Variants in ABCA9 observed in about 807,000 individuals in gnomAD.
ABCA9 encodes ATP-binding cassette sub-family A member 9.
ABCA9 carries 183 observed loss-of-function variants against 205.3 expected under a neutral mutation model. The ratio of observed to expected loss-of-function variants is 0.89; its 90% CI spans 0.79 to 1.01. The LOEUF (loss-of-function observed/expected upper bound fraction) is 1.01. ABCA9 is among the 50% of genes least tolerant of loss of function. ABCA9 has a pLI of 0.00. For synonymous variants in ABCA9, 651 were observed against 683.3 expected (o/e 0.95, Z 0.74); for missense variants, 1,805 against 1,912.4 (o/e 0.94, Z 1.05).
chr17:69,043,459 T>C (rs779426251), intron 6 of ABCA9, 30 bp downstream of exon 6: 1 of 1,499,554 alleles, frequency 6.7e-7, no homozygotes, highest in Non-Finnish European at 9.0e-7. Flanking sequence ...TTGTTTATGC[T>C]GTATAATGGA....
At chr17:69,027,838 G>T in intron 12 of ABCA9, 23 bp from the exon 13 acceptor site, 2 of 1,546,130 alleles carry the variant, frequency 1.3e-6, no homozygotes, top group South Asian at 2.4e-5. Flanking sequence ...GGCAGAGAGT[G>T]ACCATCAGGA....
chr17:68,994,036 C>A (rs2069538873), intron 26 of ABCA9, among the ~76,000 whole-genome samples: 1 of 152,136 alleles, frequency 6.6e-6, no homozygotes, highest in African/African-American at 2.4e-5. Context: ...ATACCATGCC[C>A]TGCTAATTTT....
chr17:69,073,503 TG>T, the ABCA9 span, among the ~76,000 whole-genome samples: 2 of 152,158 alleles, frequency 1.3e-5, no homozygotes, highest in Admixed American at 1.3e-4. Context: ...GAATGACTAC[TG>T]GGTACATAAC....
intron 6 of ABCA9, among the ~76,000 whole-genome samples, chr17:69,040,805 A>G (rs1319447597): frequency 2.0e-5 from 3 of 150,264 alleles, no homozygotes; most frequent in Non-Finnish European, 4.5e-5. Flanking sequence ...ATAATTAGAT[A>G]TAGATACACA....
At chr17:69,004,081 G>C (rs2070004707) in intron 25 of ABCA9, among the ~76,000 whole-genome samples, 1 of 152,112 alleles carries the variant, frequency 6.6e-6, no homozygotes, top group Non-Finnish European at 1.5e-5. Flanking sequence ...CCGTAGCTCA[G>C]AGTAATTTGA....
At chr17:69,016,425 T>C in intron 21 of ABCA9, 35 bp from the exon 22 acceptor site, 2 of 1,529,280 alleles carry the variant, frequency 1.3e-6, no homozygotes, top group Non-Finnish European at 1.7e-6. Flanking sequence ...GAAGTCTTCA[T>C]AAAGCAAAGA....
chr17:69,075,517 T>G, the ABCA9 span, among the ~76,000 whole-genome samples: 1 of 152,156 alleles, frequency 6.6e-6, no homozygotes, highest in Non-Finnish European at 1.5e-5. Context: ...TCCCGATTGC[T>G]TATTTTGTCT....
At chr17:69,044,457 C>A in intron 5 of ABCA9, 40 bp downstream of exon 5, 2 of 1,559,780 alleles carry the variant, frequency 1.3e-6, no homozygotes, top group South Asian at 2.2e-5. Context: ...CAGCAAAATT[C>A]AAATGCAATG....
chr17:69,017,120 T>C (rs893350334), intron 21 of ABCA9, among the ~76,000 whole-genome samples: 3 of 151,956 alleles, frequency 2.0e-5, no homozygotes, highest in African/African-American at 7.3e-5. Context: ...TGGCATGGAG[T>C]TTATTCCTGA....
At chr17:69,035,975 C>A (rs1425581204) in intron 6 of ABCA9, among the ~76,000 whole-genome samples, 174 bp from the exon 7 acceptor site, 1 of 152,018 alleles carries the variant, frequency 6.6e-6, no homozygotes, top group Non-Finnish European at 1.5e-5. Flanking sequence ...AGAAGGTAGG[C>A]AATAAACAAG....
chr17:69,051,720 C>G (rs1335626728), intron 1 of ABCA9: 2 of 152,200 alleles, frequency 1.3e-5, no homozygotes, highest in Non-Finnish European at 2.9e-5. Flanking sequence ...TGGATTGGCA[C>G]ACACCCATCC....
the ABCA9 span, among the ~76,000 whole-genome samples, chr17:69,071,511 A>G: frequency 1.3e-5 from 2 of 152,224 alleles, no homozygotes; most frequent in African/African-American, 4.8e-5. Context: ...CCTGACTGTT[A>G]GAAGAAAAAC....
chr17:69,011,383 G>T (rs2070365566), intron 23 of ABCA9, among the ~76,000 whole-genome samples: 1 of 152,160 alleles, frequency 6.6e-6, no homozygotes, highest in Non-Finnish European at 1.5e-5. Context: ...TCTTATGGGA[G>T]AAGTCACTAA....
At chr17:69,054,301 G>A (rs2072000697) in intron 1 of ABCA9, among the ~76,000 whole-genome samples, 1 of 152,068 alleles carries the variant, frequency 6.6e-6, no homozygotes, top group Admixed American at 6.6e-5. Flanking sequence ...GTAGGAGAAT[G>A]GCTTGAGCCC....
chr17:69,060,756 A>G (rs1266432546), intron 1 of ABCA9, 110 bp downstream of exon 1: 1 of 720,186 alleles, frequency 1.4e-6, no homozygotes, highest in African/African-American at 1.9e-5. Flanking sequence ...ATGACTCGTT[A>G]ATAACTTACT....
intron 6 of ABCA9, among the ~76,000 whole-genome samples, chr17:69,041,748 T>TCTATCTAC (rs777878632): frequency 1.1e-4 from 16 of 151,612 alleles, no homozygotes; most frequent in Non-Finnish European, 2.2e-4. Context: ...TATCTATCTA[T>TCTATCTAC]CTATCTATCT....
intron 8 of ABCA9, 120 bp downstream of exon 8, chr17:69,035,126 T>C: frequency 2.3e-6 from 2 of 879,702 alleles, no homozygotes; most frequent in Non-Finnish European, 3.1e-6. Context: ...TCCTGTCTCA[T>C]ACATGTTTAT....
At position 69,008,048 on chromosome 17, in the gene ABCA9, T is replaced by C; in HGVS notation, c.3321+14A>G. 6.3e-7 allele frequency: 1 copy of C among 1,589,944 alleles called. No individual in the cohort carries two copies. The highest frequency in any genetic ancestry group is 8.6e-7 in the Non-Finnish European group (1 of 1,163,980). On this transcript the variant is annotated intron_variant, in intron 24 of 38. Coordinates refer to ENST00000340001, the MANE Select transcript of ABCA9 (RefSeq NM_080283.4). ...ATAGTCTAATAAAACCATTTCAAAA[T>C]TGCTGCCACTTACTTGAATTAACAG...
At chr17:69,062,038 A>G (rs974818663), upstream of ABCA9, among the ~76,000 whole-genome samples, 1 of 152,086 alleles carries the variant, frequency 6.6e-6, no homozygotes, top group Non-Finnish European at 1.5e-5. Context: ...TATTGATTCA[A>G]TTATATTTAT....
Sources: allele counts gnomAD v4.1 joint callset (sites outside exome capture counted in the v4.1 genomes callset), GRCh38; gene constraint gnomAD v4.1.1; transcripts MANE v1.5; gene names NCBI Gene and HGNC (gene_info 2026-07-23, HGNC 2026-07-21).